CSNK2A1: variants seen among roughly 807,000 people sequenced by gnomAD.
The protein encoded by CSNK2A1 is casein kinase II subunit alpha.
A neutral mutation model predicts 62.9 loss-of-function variants in CSNK2A1; 10 were observed. The ratio of observed to expected loss-of-function variants is 0.16; its 90% CI spans 0.10 to 0.27. The LOEUF (loss-of-function observed/expected upper bound fraction) is 0.27. CSNK2A1 is among the 10% of genes least tolerant of loss of function. The pLI is 1.00. For missense variants in CSNK2A1, 160 were observed against 492.0 expected, an observed-to-expected ratio of 0.33 and a Z score of 6.38; for synonymous variants, 124 against 167.8, an observed-to-expected ratio of 0.74 and a Z score of 2.02.
intron 1 of CSNK2A1, among the ~76,000 whole-genome samples, chr20:536,879 GAAC>G (rs201851218): frequency 0.011 from 1,611 of 152,260 alleles, 8 homozygotes; most frequent in Middle Eastern, 0.044. Flanking sequence ...TCTGCTGAAT[GAAC>G]AACATCTTCT....
intron 9 of CSNK2A1, among the ~76,000 whole-genome samples, chr20:491,166 C>T (rs1429888368): frequency 6.6e-6 from 1 of 152,040 alleles, no homozygotes; most frequent in South Asian, 2.1e-4. Flanking sequence ...CTGATAATAA[C>T]CTGGAAAGAC....
chr20:505,653 C>T (rs184089057), intron 3 of CSNK2A1, among the ~76,000 whole-genome samples: 2 of 147,528 alleles, frequency 1.4e-5, no homozygotes, highest in Admixed American at 6.8e-5. Context: ...TGAGCCACCG[C>T]GCCTGGCCCA....
chr20:503,535 T>C (rs926808757), intron 4 of CSNK2A1: 3 of 398,558 alleles, frequency 7.5e-6, no homozygotes, highest in East Asian at 7.1e-5. Context: ...CAACCCATCG[T>C]TGAATCTGCC....
At chr20:530,468 CTTT>C (rs779710774) in intron 1 of CSNK2A1, among the ~76,000 whole-genome samples, 12 of 135,134 alleles carry the variant, frequency 8.9e-5, no homozygotes, top group Non-Finnish European at 1.4e-4. Flanking sequence ...ACTTTTTTTC[CTTT>C]TTTTTTTTTT....
intron 4 of CSNK2A1, chr20:502,211 A>G (rs1392614690): frequency 6.6e-6 from 1 of 152,234 alleles, no homozygotes. Flanking sequence ...ATTGAATTCA[A>G]CCCACGACCT....
Position 483,019 on chromosome 20 carries a change from T to A in CSNK2A1, c.*942A>T, listed in dbSNP as rs1284210100. 4.6e-5 allele frequency: 7 copies of A among 152,474 alleles called. No homozygotes were observed. The highest frequency in any genetic ancestry group is 1.7e-4 in the African/African-American group (7 of 41,584). 9.4% of individuals were successfully genotyped at this position (152,474 alleles called of 1,614,324 possible). A position where few individuals can be genotyped will look rare whatever the true frequency, so the allele number is the denominator to read the frequency against. On this transcript the variant is annotated 3_prime_UTR_variant, in exon 14 of 14. Transcript: ENST00000217244. ...GTGTGGCCACATCTCCCATTAGCTC[T>A]AGCATGAAACCTGTACAGACAATGT...
intron 1 of CSNK2A1, among the ~76,000 whole-genome samples, chr20:537,549 C>G (rs1323934117): frequency 6.6e-6 from 1 of 152,060 alleles, no homozygotes; most frequent in East Asian, 1.9e-4. Context: ...TACCAATTGT[C>G]TATAACCCAA....
In CSNK2A1 at chr20:490,335, C is replaced by CTTTTTTTT. The variant is rs907727482; in HGVS notation, c.622-462_622-455dup. ...ACCCACCGTGCCTGGCTAGTTTTTTCTTTTTTTTTTTTTTTTAGTTTTTTT... is the reference window on the plus strand; with the variant it reads ...ACCCACCGTGCCTGGCTAGTTTTTTCTTTTTTTTTTTTTTTTTTTTTTTTAGTTTTTTT... On this transcript the variant is annotated intron_variant, in intron 9 of 13. Transcript: ENST00000217244. 4.4e-4 allele frequency among the ~76,000 whole-genome samples: 37 copies of CTTTTTTTT among 84,788 alleles called. 2 individuals are homozygous for CTTTTTTTT. Among genetic ancestry groups the CTTTTTTTT allele is most frequent in the East Asian group, 2.0e-3 (6 of 2,954 alleles). 55.6% of individuals were successfully genotyped at this position (84,788 alleles called of 152,430 possible). A position where few individuals can be genotyped will look rare whatever the true frequency, so the allele number is the denominator to read the frequency against.
intron 13 of CSNK2A1, among the ~76,000 whole-genome samples, chr20:485,109 A>AATAAAAATATATATATAT (rs2018062321): frequency 4.1e-5 from 1 of 24,666 alleles, no homozygotes; most frequent in African/African-American, 1.4e-4. Context: ...AAAAAAAAAA[A>AATAAAAATATATATATAT]ATATATATAT....
intron 2 of CSNK2A1, among the ~76,000 whole-genome samples, chr20:525,578 G>A (rs1451089638): frequency 6.7e-6 from 1 of 150,280 alleles, no homozygotes; most frequent in Non-Finnish European, 1.5e-5. Flanking sequence ...GTGAACCCGG[G>A]AGGCAGAGCT....
rs560607577 is a variant in CSNK2A1 at position 483,894 on chromosome 20, C to A, written c.*67G>T. On this transcript the variant is annotated 3_prime_UTR_variant, in exon 14 of 14. Transcript: ENST00000217244. ...GTGTTTCACCCCTCCCCGCCAGGCG[C>A]AAGCTGCATCAAGGAGAGGGTGGAC... 2 of 1,491,852 alleles carry A rather than the reference C, an allele frequency of 1.3e-6. No homozygotes were observed. Among genetic ancestry groups the A allele is most frequent in the East Asian group, 5.1e-5 (2 of 39,114 alleles). 92.4% of individuals were successfully genotyped at this position (1,491,852 alleles called of 1,614,324 possible).
chr20:491,497 T>C (rs1269330395), intron 9 of CSNK2A1, among the ~76,000 whole-genome samples: 1 of 151,990 alleles, frequency 6.6e-6, no homozygotes, highest in Non-Finnish European at 1.5e-5. Context: ...TGAGACTTTC[T>C]CTCTACACAC....
chr20:492,197 TAAA>T, intron 9 of CSNK2A1, 54 bp downstream of exon 9: 6 of 1,452,510 alleles, frequency 4.1e-6, no homozygotes, highest in Non-Finnish European at 3.8e-6. Context: ...TTTTTTTTGG[TAAA>T]TTATGTGCGA....
chr20:475,035 A>AG lies in CSNK2A1; in HGVS notation c.*8925dup, dbSNP rs1339317635. 2 of 152,232 alleles carry AG rather than the reference A, an allele frequency of 1.3e-5. No homozygotes were observed. The highest frequency in any genetic ancestry group is 2.4e-5 in the African/African-American group (1 of 41,448). 9.4% of individuals were successfully genotyped at this position (152,232 alleles called of 1,614,324 possible). On this transcript the variant is annotated 3_prime_UTR_variant, in exon 14 of 14. Transcript: ENST00000217244. ...TAATTATAGAGCAAATACAACATTT[A>AG]GGTACCACCCCAATAAACACAACAC...
At chr20:524,838 T>C (rs1454265766) in intron 2 of CSNK2A1, among the ~76,000 whole-genome samples, 2 of 151,682 alleles carry the variant, frequency 1.3e-5, no homozygotes, top group Non-Finnish European at 2.9e-5. Context: ...AATTAGAAAT[T>C]AAGAGCTGGG....
intron 13 of CSNK2A1, among the ~76,000 whole-genome samples, chr20:485,099 A>ATTTATATATATATAT (rs2018056429): frequency 5.8e-5 from 2 of 34,460 alleles, no homozygotes; most frequent in Non-Finnish European, 1.1e-4. Context: ...AAAAAAAAAA[A>ATTTATATATATATAT]AAAAAAAAAA....
chr20:488,464 C>G, intron 11 of CSNK2A1: 1 of 477,352 alleles, frequency 2.1e-6, no homozygotes, highest in Non-Finnish European at 3.7e-6. Flanking sequence ...AGCTATAACC[C>G]CTCCATCAGA....
At position 505,601 on chromosome 20, in the gene CSNK2A1, A is replaced by T. The variant is rs574478285; in HGVS notation, c.102-372T>A. On this transcript the variant is annotated intron_variant, in intron 3 of 13. Transcript: ENST00000217244. ...ATGGTCTCGATCTCCTGACCTCGTG[A>T]TTCGTCCGCCTCGGCCTCCCAAAGT... Among the ~76,000 whole-genome samples the T allele has an allele frequency of 2.0e-3, 309 of 151,130 alleles. 1 individual carries two copies. The highest frequency in any genetic ancestry group is 7.3e-3 in the African/African-American group (299 of 41,212).
intron 2 of CSNK2A1, among the ~76,000 whole-genome samples, chr20:525,105 A>G (rs577307577): frequency 1.3e-5 from 2 of 152,354 alleles, no homozygotes; most frequent in African/African-American, 4.8e-5. Flanking sequence ...ACTCTGCCTC[A>G]AAATCAATCA....
Sources: gnomAD v4.1 joint callset for allele counts (sites outside exome capture counted in the v4.1 genomes callset) on GRCh38, gnomAD v4.1.1 for gene constraint, MANE v1.5 for transcripts, NCBI Gene and HGNC (gene_info 2026-07-23, HGNC 2026-07-21) for gene names.